Variants in STRBP observed in about 807,000 individuals in gnomAD.
STRBP encodes the protein spermatid perinuclear RNA binding protein, also known as spermatid perinuclear RNA-binding protein.
Under a neutral mutation model 80.1 loss-of-function variants are expected in STRBP, and 13 were observed. The observed-to-expected ratio is 0.16, with a 90% CI of 0.11 to 0.26. STRBP has a LOEUF of 0.26. Among genes scored for constraint, STRBP ranks in the 10% least tolerant of loss-of-function variants. The probability of loss-of-function intolerance (pLI) is 1.00; values close to 1 mark genes in which losing one functional copy is unlikely to be tolerated. For synonymous variants in STRBP, 284 were observed against 291.2 expected (o/e 0.98, Z 0.25); for missense variants, 485 against 815.2 (o/e 0.59, Z 4.93).
At chr9:123,144,058 C>T (rs1318081175) in intron 13 of STRBP, among the ~76,000 whole-genome samples, 5 of 151,878 alleles carry the variant, frequency 3.3e-5, no homozygotes, top group South Asian at 2.1e-4. Flanking sequence ...ATTAGCTGGG[C>T]GTGGTGGCAG....
At position 123,125,594 on chromosome 9, in the gene STRBP, T is replaced by C. The variant is rs376667213; in HGVS notation, c.*3A>G. On this transcript the variant is annotated 3_prime_UTR_variant, in exon 19 of 19. Transcript: ENST00000348403. The stretch of plus-strand genomic sequence containing the variant: ...TTCAATAGGAATTAGCTTCTGTCAT[T>C]TGCTAAAAGAATGAGTAGTGGGGAA... The C allele has an allele frequency of 1.2e-6, 2 of 1,612,536 alleles. No individual in the cohort carries two copies. The highest frequency in any genetic ancestry group is 1.7e-6 in the Non-Finnish European group (2 of 1,179,484).
intron 16 of STRBP, among the ~76,000 whole-genome samples, chr9:123,133,586 T>C (rs1443492425): frequency 6.6e-6 from 1 of 152,120 alleles, no homozygotes; most frequent in African/African-American, 2.4e-5. Context: ...TCACCCAGGC[T>C]GGAGTGCAAT....
chr9:123,126,959 A>T lies in STRBP; in HGVS notation c.1942+1255T>A, dbSNP rs1272437408. On this transcript the variant is annotated intron_variant, in intron 18 of 18. Coordinates refer to ENST00000348403, the MANE Select transcript of STRBP (RefSeq NM_018387.5). This position sits in a 1 kb window ranked among gnomAD's most constrained non-coding sequence, Gnocchi z 4.4. ...GAAACCTGCGTAAGCTTATTATTGC[A>T]TTAGTCTCCAATTCCTAGTTACCCA... Among the ~76,000 whole-genome samples, 1 of 152,210 alleles carries T rather than the reference A, an allele frequency of 6.6e-6. No individual in the cohort carries two copies. The highest frequency in any genetic ancestry group is 1.5e-5 in the Non-Finnish European group (1 of 68,036).
chr9:123,200,972 C>T (rs1160180862), intron 2 of STRBP, among the ~76,000 whole-genome samples: 6 of 151,682 alleles, frequency 4.0e-5, no homozygotes, highest in East Asian at 1.9e-4. Flanking sequence ...GAAGGTTGTA[C>T]GTTTCCAGGA....
At chr9:123,252,697 G>A (rs140752154) in intron 1 of STRBP, among the ~76,000 whole-genome samples, 32 of 152,262 alleles carry the variant, frequency 2.1e-4, no homozygotes, top group African/African-American at 7.2e-4. Context: ...ATTTGTAGAT[G>A]GCTGCTATTG....
chr9:123,176,027 G>A (rs184788284), intron 4 of STRBP, among the ~76,000 whole-genome samples: 21 of 152,276 alleles, frequency 1.4e-4, no homozygotes, highest in Non-Finnish European at 2.4e-4. Context: ...GACTTCTTTT[G>A]AGCCTGCTTC....
chr9:123,129,003 G>A (rs1303482427), intron 17 of STRBP, among the ~76,000 whole-genome samples: 1 of 152,218 alleles, frequency 6.6e-6, no homozygotes, highest in Non-Finnish European at 1.5e-5. Context: ...TATATTAACA[G>A]AAGCTGCAAT....
intron 2 of STRBP, among the ~76,000 whole-genome samples, chr9:123,225,205 C>T (rs931848125): frequency 1.3e-5 from 2 of 151,876 alleles, no homozygotes; most frequent in Admixed American, 6.6e-5. Flanking sequence ...GTGCTGGCAA[C>T]GTTCTATTTC....
At chr9:123,223,694 T>C (rs1315026360) in intron 2 of STRBP, among the ~76,000 whole-genome samples, 2 of 152,144 alleles carry the variant, frequency 1.3e-5, no homozygotes, top group African/African-American at 4.8e-5. Flanking sequence ...CATGAGTTCA[T>C]ATAGATAATT....
At chr9:123,220,819 T>C (rs2040043362) in intron 2 of STRBP, among the ~76,000 whole-genome samples, 1 of 152,280 alleles carries the variant, frequency 6.6e-6, no homozygotes, top group South Asian at 2.1e-4. Flanking sequence ...AAATAACTTG[T>C]CAAAAATGAA....
At chr9:123,227,964 C>T (rs9299287) in intron 2 of STRBP, among the ~76,000 whole-genome samples, 31,048 of 152,112 alleles carry the variant, frequency 0.2, 6,615 homozygotes, top group African/African-American at 0.55. Flanking sequence ...CACAACGATG[C>T]AGGTGAGACA....
chr9:123,205,289 TCTCTGTCCTC>T (rs1273521252), intron 2 of STRBP, among the ~76,000 whole-genome samples: 13 of 152,022 alleles, frequency 8.6e-5, no homozygotes. Flanking sequence ...ATTCAAATAT[TCTCTGTCCTC>T]CTCTGTCTGC....
chr9:123,182,650 A>T (rs1055061709), intron 3 of STRBP, among the ~76,000 whole-genome samples: 1 of 152,208 alleles, frequency 6.6e-6, no homozygotes, highest in Non-Finnish European at 1.5e-5. Context: ...TTTCTTCTCT[A>T]AGGAGTCAGC....
chr9:123,173,357 G>C (rs2038087317), intron 5 of STRBP, among the ~76,000 whole-genome samples: 1 of 151,846 alleles, frequency 6.6e-6, no homozygotes, highest in South Asian at 2.1e-4. Flanking sequence ...ATTCTTTTCT[G>C]CAGTATACCA....
chr9:123,193,353 T>A (rs1162074608), intron 2 of STRBP, among the ~76,000 whole-genome samples: 1 of 152,128 alleles, frequency 6.6e-6, no homozygotes, highest in Non-Finnish European at 1.5e-5. Context: ...GGTCACCATC[T>A]CTTCCCATTA....
intron 4 of STRBP, among the ~76,000 whole-genome samples, chr9:123,175,023 A>G (rs1050501977): frequency 1.3e-5 from 2 of 152,200 alleles, no homozygotes; most frequent in African/African-American, 4.8e-5. Flanking sequence ...TAAGTGCCCT[A>G]TTTAAAAGGG....
intron 1 of STRBP, among the ~76,000 whole-genome samples, chr9:123,258,537 C>T (rs990930092): frequency 5.9e-5 from 9 of 152,194 alleles, no homozygotes; most frequent in East Asian, 1.9e-4. Flanking sequence ...GGCGTGGTGG[C>T]TCACGCCTGT....
intron 5 of STRBP, among the ~76,000 whole-genome samples, chr9:123,171,936 T>A (rs147031880): frequency 3.9e-5 from 6 of 152,138 alleles, no homozygotes; most frequent in African/African-American, 1.2e-4. Context: ...AGAACCTTTT[T>A]AAACTGCGAT....
intron 4 of STRBP, among the ~76,000 whole-genome samples, chr9:123,175,750 T>C (rs1369205606): frequency 2.6e-5 from 4 of 152,190 alleles, no homozygotes; most frequent in African/African-American, 9.7e-5. Flanking sequence ...TTCAGGCTTT[T>C]ATTACCTCTC....
Sources: gnomAD v4.1 joint callset for allele counts (sites outside exome capture counted in the v4.1 genomes callset) on GRCh38, gnomAD v4.1.1 for gene constraint, Gnocchi (gnomAD v3.1) non-coding constraint, MANE v1.5 for transcripts, NCBI Gene and HGNC (gene_info 2026-07-23, HGNC 2026-07-21) for gene names.